The following SHLD2 variants were observed in gnomAD, a reference collection of about 807,000 sequenced individuals.
SHLD2 encodes shieldin complex subunit 2, also known as RINN1-REV7-interacting novel NHEJ regulator 2.
A neutral mutation model predicts 73.2 loss-of-function variants in SHLD2; 30 were observed. That is an observed-to-expected ratio of 0.41 (90% CI 0.31 to 0.56). The LOEUF (loss-of-function observed/expected upper bound fraction) is 0.56, where lower values mean the gene tolerates loss of function less well. SHLD2 is among the 20% of genes least tolerant of loss of function. The probability of loss-of-function intolerance (pLI) is 0.28; values close to 1 mark genes in which losing one functional copy is unlikely to be tolerated. For synonymous variants in SHLD2, 285 were observed against 370.1 expected, an observed-to-expected ratio of 0.77 and a Z score of 2.64; for missense variants, 745 against 1,055.9, an observed-to-expected ratio of 0.71 and a Z score of 4.08.
rs755125055 is a variant in SHLD2, at chr10:87,097,451, G to A, written c.-6+462G>A. ...TGGGGGGCCTACAAAAATTAGCCAG[G>A]CGTGGTGGCGGGGAGGGGGTTGGGC... On this transcript the variant is annotated intron_variant, in intron 2 of 9. Transcript: ENST00000298786. Among the ~76,000 whole-genome samples, 61 of 152,008 alleles carry A rather than the reference G, an allele frequency of 4.0e-4. 2 individuals are homozygous for A. The highest frequency in any genetic ancestry group is 7.1e-4 in the Non-Finnish European group (48 of 67,996).
upstream of SHLD2, chr10:87,094,904 T>G: frequency 1.9e-6 from 1 of 534,792 alleles, no homozygotes; most frequent in Non-Finnish European, 3.0e-6. This position sits in a 1 kb window ranked among gnomAD's most constrained non-coding sequence, Gnocchi z 6.6. Flanking sequence ...GGCTGTCCCC[T>G]CCCCTCGGGC....
chr10:87,178,962 TAGG>T (rs1354244281), intron 7 of SHLD2, among the ~76,000 whole-genome samples: 1 of 152,036 alleles, frequency 6.6e-6, no homozygotes, highest in East Asian at 1.9e-4. Flanking sequence ...CAGAAAACAG[TAGG>T]AGACTAGAGT....
At position 87,102,917 on chromosome 10, in the gene SHLD2, G is replaced by C. The variant is rs1448382274; in HGVS notation, c.-6+5928G>C. On this transcript the variant is annotated intron_variant, in intron 2 of 9. Coordinates refer to ENST00000298786, the MANE Select transcript of SHLD2 (RefSeq NM_001330112.2). ...AGTAAACAAGGACTTTTAAAACAAG[G>C]TACTAAAAATCTGGCTGGGCGTGGT... 2.0e-5 allele frequency among the ~76,000 whole-genome samples: 3 copies of C among 151,408 alleles called. No homozygotes were observed. In the East Asian group the frequency reaches 5.9e-4, roughly 30 times the overall value.
chr10:87,182,936 G>C (rs1848402369), intron 8 of SHLD2, among the ~76,000 whole-genome samples: 1 of 151,944 alleles, frequency 6.6e-6, no homozygotes, highest in African/African-American at 2.4e-5. Flanking sequence ...CCAGGTGGAA[G>C]CCAGCCTTTT....
intron 2 of SHLD2, chr10:87,115,483 T>C (rs975470491): frequency 6.7e-6 from 1 of 150,344 alleles, no homozygotes; most frequent in African/African-American, 2.5e-5. Context: ...GTCAGTTCTG[T>C]TGGGAATGCC....
chr10:87,135,495 T>A (rs975051595), intron 2 of SHLD2, among the ~76,000 whole-genome samples: 1 of 152,024 alleles, frequency 6.6e-6, no homozygotes, highest in African/African-American at 2.4e-5. Context: ...TAAGTACAAT[T>A]TTCTTTCCTT....
rs143927092 is a variant in SHLD2, at chr10:87,106,873, C to G, written c.-6+9884C>G. On this transcript the variant is annotated intron_variant, in intron 2 of 9. Transcript: ENST00000298786. ...AGAAATGACAGTTTCATTGGATTCT[C>G]TATGTTATAGTAATATATCAGAAGG... 1.6e-4 allele frequency among the ~76,000 whole-genome samples: 25 copies of G among 152,136 alleles called. No individual in the cohort carries two copies. The East Asian group carries it at 4.4e-3, about 27-fold the overall frequency.
chr10:87,174,146 G>A (rs1440934342), intron 6 of SHLD2, among the ~76,000 whole-genome samples: 2 of 151,530 alleles, frequency 1.3e-5, no homozygotes, highest in Non-Finnish European at 2.9e-5. Context: ...ATGGTATCAT[G>A]TATAATTGTG....
intron 4 of SHLD2, among the ~76,000 whole-genome samples, chr10:87,162,562 T>C (rs1253970425): frequency 4.6e-5 from 7 of 152,124 alleles, no homozygotes; most frequent in African/African-American, 1.7e-4. Flanking sequence ...GGTGTGGTGG[T>C]GCATGCCTAT....
intron 3 of SHLD2, among the ~76,000 whole-genome samples, chr10:87,155,027 C>T (rs1245183797): frequency 1.3e-5 from 2 of 152,052 alleles, no homozygotes; most frequent in Non-Finnish European, 1.5e-5. Flanking sequence ...CTCCGCCTCC[C>T]GGGTTCACGC....
At chr10:87,135,271 G>C (rs1223983372) in intron 2 of SHLD2, among the ~76,000 whole-genome samples, 1 of 150,592 alleles carries the variant, frequency 6.6e-6, no homozygotes, top group East Asian at 1.9e-4. Flanking sequence ...CTAATGTTTT[G>C]GGATCCCATT....
intron 8 of SHLD2, 61 bp downstream of exon 8, chr10:87,180,364 G>A: frequency 6.3e-7 from 1 of 1,583,318 alleles, no homozygotes; most frequent in Non-Finnish European, 8.6e-7. Context: ...GGAAAAATTA[G>A]TCTGTAAACC....
At chr10:87,173,641 A>G (rs1423424239) in intron 6 of SHLD2, among the ~76,000 whole-genome samples, 5 of 152,146 alleles carry the variant, frequency 3.3e-5, no homozygotes, top group African/African-American at 2.4e-5. Flanking sequence ...AAGAAAATAT[A>G]GGCAAAATTA....
At chr10:87,115,407 A>G (rs1843188096) in intron 2 of SHLD2, 1 of 152,236 alleles carries the variant, frequency 6.6e-6, no homozygotes, top group Admixed American at 6.5e-5. Flanking sequence ...AGAGTGTGGG[A>G]AATAGAATAG....
intron 2 of SHLD2, among the ~76,000 whole-genome samples, chr10:87,134,663 C>T (rs1844672744): frequency 6.6e-6 from 1 of 152,216 alleles, no homozygotes; most frequent in Non-Finnish European, 1.5e-5. Flanking sequence ...CCTTAGAAGG[C>T]AGGATTGCTG....
chr10:87,190,526 T>C lies in SHLD2; in HGVS notation c.2558T>C (p.Leu853Pro). The C allele has an allele frequency of 6.2e-7, 1 of 1,612,018 alleles. No homozygotes were observed. The highest frequency in any genetic ancestry group is 1.3e-5 in the African/African-American group (1 of 74,992). The change falls in exon 10 of 10, where the codon CTG (leucine) becomes CCG (proline). Residue 853 changes from leucine to proline, a missense_variant. Physicochemically the swap from Leu to Pro is moderately conservative, Grantham distance 98. Transcript: ENST00000298786. ...EITYGMVVAD[L>P]FHSLLAVSAE... ...ACCTATGGGATGGTCGTGGCAGACC[T>C]GTTCCACTCCTTGTTGGCAGTCAGC...
At chr10:87,110,475 C>T (rs1005585972) in intron 2 of SHLD2, among the ~76,000 whole-genome samples, 5 of 151,618 alleles carry the variant, frequency 3.3e-5, no homozygotes, top group East Asian at 1.9e-4. Flanking sequence ...GAAGTGGTGG[C>T]GGGTGTCTGT....
intron 2 of SHLD2, among the ~76,000 whole-genome samples, chr10:87,104,664 C>CTT (rs960153184): frequency 2.7e-5 from 4 of 146,978 alleles, no homozygotes; most frequent in African/African-American, 5.0e-5. Flanking sequence ...AGGTAGGATT[C>CTT]TTTTTTTTTT....
At chr10:87,124,406 C>T (rs1022241000) in intron 2 of SHLD2, among the ~76,000 whole-genome samples, 13 of 151,952 alleles carry the variant, frequency 8.6e-5, no homozygotes, top group South Asian at 2.1e-4. Flanking sequence ...CATGGTGAGG[C>T]GCACCTTTGG....
Sources: allele counts gnomAD v4.1 joint callset (sites outside exome capture counted in the v4.1 genomes callset), GRCh38; gene constraint gnomAD v4.1.1; non-coding constraint Gnocchi (gnomAD v3.1); transcripts MANE v1.5; gene names NCBI Gene and HGNC (gene_info 2026-07-23, HGNC 2026-07-21).